The following AIG1 variants were observed in gnomAD, a reference collection of about 807,000 sequenced individuals.
AIG1 encodes androgen induced 1.
AIG1 carries 23 observed loss-of-function variants against 31.4 expected under a neutral mutation model. The observed-to-expected ratio is 0.73, with a 90% CI of 0.53 to 1.04. The LOEUF (loss-of-function observed/expected upper bound fraction) is 1.04. AIG1 is among the 50% of genes least tolerant of loss of function. The pLI, the probability that AIG1 is intolerant of heterozygous loss-of-function variation, is 0.00. For missense variants in AIG1, 274 were observed against 295.0 expected (o/e 0.93, Z 0.52); for synonymous variants, 100 against 110.5 (o/e 0.90, Z 0.60).
chr6:143,245,098 C>T (rs1794524120), intron 3 of AIG1, among the ~76,000 whole-genome samples: 2 of 152,242 alleles, frequency 1.3e-5, no homozygotes, highest in South Asian at 4.1e-4. Flanking sequence ...CATCTCGAAG[C>T]CCAGTTAATG....
rs927068797 is a variant in AIG1 at position 143,299,930 on chromosome 6, G to A, written c.515+15705G>A. On this transcript the variant is annotated intron_variant, in intron 4 of 5. Transcript: ENST00000357847. The surrounding 1 kb of genome is among the most constrained non-coding windows in gnomAD (Gnocchi z 4.1). ...AGTCAGTGTCAGGTGCCCCTTTCAA[G>A]TGGCACCCTCCATTCACCCCATCAT... Among the ~76,000 whole-genome samples the A allele has an allele frequency of 2.8e-4, 42 of 152,120 alleles. No individual in the cohort carries two copies. Among genetic ancestry groups the A allele is most frequent in the Middle Eastern group, 3.2e-3 (1 of 316 alleles).
Position 143,086,336 on chromosome 6 carries a change from C to A in AIG1, c.141+25270C>A, listed in dbSNP as rs942883598. On this transcript the variant is annotated intron_variant, in intron 1 of 5. Transcript: ENST00000357847. ...TAAAGGAATAGGGCACACTTTTTTT[C>A]TTTACTACTTCTATCTCTCTTTTTC... Among the ~76,000 whole-genome samples the A allele has an allele frequency of 5.9e-5, 9 of 151,896 alleles. No homozygotes were observed. In the South Asian group the frequency reaches 1.5e-3, roughly 25 times the overall value.
intron 3 of AIG1, among the ~76,000 whole-genome samples, chr6:143,202,814 A>G (rs939608117): frequency 1.3e-5 from 2 of 152,194 alleles, no homozygotes. Context: ...ATCACAGAGG[A>G]GTGGAAGGCC....
At chr6:143,236,567 C>T (rs183458820) in intron 3 of AIG1, among the ~76,000 whole-genome samples, 27 of 152,274 alleles carry the variant, frequency 1.8e-4, no homozygotes, top group East Asian at 1.6e-3. Context: ...CCCTTCTGAG[C>T]GAGTCACACT....
chr6:143,167,722 G>A (rs978573679), intron 3 of AIG1, among the ~76,000 whole-genome samples: 1 of 152,096 alleles, frequency 6.6e-6, no homozygotes, highest in Non-Finnish European at 1.5e-5. Flanking sequence ...AACACAAGGA[G>A]GAATTGAATG....
chr6:143,220,545 C>G (rs1332184944), intron 3 of AIG1, among the ~76,000 whole-genome samples: 6 of 152,132 alleles, frequency 3.9e-5, no homozygotes, highest in African/African-American at 1.2e-4. Flanking sequence ...GAAGCTTCAT[C>G]ACGGGTAAGC....
intron 3 of AIG1, among the ~76,000 whole-genome samples, chr6:143,223,567 C>T (rs973130711): frequency 6.6e-6 from 1 of 152,128 alleles, no homozygotes; most frequent in Admixed American, 6.5e-5. Context: ...CTTCCCATCT[C>T]CCTCCCCAGC....
intron 1 of AIG1, among the ~76,000 whole-genome samples, chr6:143,076,802 G>T (rs998434333): frequency 6.6e-6 from 1 of 151,660 alleles, no homozygotes; most frequent in African/African-American, 2.4e-5. Flanking sequence ...CTCCCGAGTA[G>T]CTGAGACTGC....
chr6:143,184,704 C>T (rs751761922), intron 3 of AIG1, among the ~76,000 whole-genome samples: 1 of 152,222 alleles, frequency 6.6e-6, no homozygotes, highest in Non-Finnish European at 1.5e-5. Context: ...CTCTCATCTC[C>T]TGGCCTCTGC....
chr6:143,126,889 T>G (rs752659245), intron 1 of AIG1, among the ~76,000 whole-genome samples: 1 of 152,154 alleles, frequency 6.6e-6, no homozygotes, highest in Non-Finnish European at 1.5e-5. Flanking sequence ...TAGATAGATA[T>G]ATATAGTCCC....
chr6:143,306,934 G>A lies in AIG1; in HGVS notation c.515+22709G>A, dbSNP rs931611138. On this transcript the variant is annotated intron_variant, in intron 4 of 5. Transcript: ENST00000357847. The stretch of plus-strand genomic sequence containing the variant: ...CTTTTTTCTCCAAACTTCCCTTCTC[G>A]CTTCATTTCATTCATTTCATCTTCC... Among the ~76,000 whole-genome samples, 172 of 151,966 alleles carry A rather than the reference G, an allele frequency of 1.1e-3. 1 individual carries two copies. Among genetic ancestry groups the A allele is most frequent in the Admixed American group, 3.0e-3 (46 of 15,260 alleles).
intron 3 of AIG1, among the ~76,000 whole-genome samples, chr6:143,172,436 A>T (rs901276389): frequency 6.6e-6 from 1 of 152,208 alleles, no homozygotes; most frequent in Admixed American, 6.5e-5. Context: ...ATGGTGGATT[A>T]TCTTTTTCAC....
At chr6:143,308,768 T>C (rs1775009790) in intron 4 of AIG1, among the ~76,000 whole-genome samples, 2 of 152,194 alleles carry the variant, frequency 1.3e-5, no homozygotes, top group Admixed American at 6.5e-5. Context: ...TCCTATACGA[T>C]ACCTGAAAAC....
intron 3 of AIG1, among the ~76,000 whole-genome samples, chr6:143,211,759 G>A (rs1447241603): frequency 1.3e-5 from 2 of 152,030 alleles, no homozygotes; most frequent in African/African-American, 4.8e-5. Context: ...TGGATGTGGT[G>A]GCACACGCTT....
At chr6:143,130,641 C>T (rs1285045126) in intron 1 of AIG1, among the ~76,000 whole-genome samples, 2 of 152,090 alleles carry the variant, frequency 1.3e-5, no homozygotes, top group East Asian at 3.9e-4. Context: ...ATCGATTTAA[C>T]CCAGGGGGCA....
At chr6:143,210,564 C>G (rs907827893) in intron 3 of AIG1, among the ~76,000 whole-genome samples, 6 of 152,180 alleles carry the variant, frequency 3.9e-5, no homozygotes, top group Admixed American at 6.5e-5. Flanking sequence ...TGTAAACCCT[C>G]TGTGTACTTG....
chr6:143,148,121 T>C (rs1267991851), intron 2 of AIG1, among the ~76,000 whole-genome samples: 1 of 152,138 alleles, frequency 6.6e-6, no homozygotes, highest in African/African-American at 2.4e-5. Flanking sequence ...GAGTGCTTGC[T>C]CTTAGCAACC....
chr6:143,149,645 A>G (rs1020615690), intron 2 of AIG1, among the ~76,000 whole-genome samples: 9 of 151,622 alleles, frequency 5.9e-5, no homozygotes, highest in Non-Finnish European at 8.8e-5. Context: ...GACTATATTC[A>G]TTTGAGCTTC....
At chr6:143,305,352 G>T (rs926503390) in intron 4 of AIG1, among the ~76,000 whole-genome samples, 9 of 152,000 alleles carry the variant, frequency 5.9e-5, no homozygotes, top group Non-Finnish European at 8.8e-5. Context: ...GCTTTCTTTT[G>T]TGGGCATTTA....
Sources: gnomAD v4.1 joint callset for allele counts (sites outside exome capture counted in the v4.1 genomes callset) on GRCh38, gnomAD v4.1.1 for gene constraint, Gnocchi (gnomAD v3.1) non-coding constraint, MANE v1.5 for transcripts, NCBI Gene and HGNC (gene_info 2026-07-23, HGNC 2026-07-21) for gene names.